SRD5A2: variants seen among roughly 807,000 people sequenced by gnomAD.
SRD5A2 encodes the protein 3-oxo-5-alpha-steroid 4-dehydrogenase 2.
A neutral mutation model predicts 27.4 loss-of-function variants in SRD5A2; 30 were observed. The observed-to-expected ratio is 1.10, with a 90% CI of 0.82 to 1.49. SRD5A2 has a LOEUF of 1.49. SRD5A2 is among the 40% of genes most tolerant of loss of function. SRD5A2 has a pLI of 0.00. For synonymous variants in SRD5A2, 141 were observed against 133.6 expected, an observed-to-expected ratio of 1.06 and a Z score of -0.38; for missense variants, 348 against 323.4, an observed-to-expected ratio of 1.08 and a Z score of -0.58.
chr2:31,553,398 G>A (rs995927701), intron 1 of SRD5A2, among the ~76,000 whole-genome samples: 2 of 152,112 alleles, frequency 1.3e-5, no homozygotes, highest in African/African-American at 4.8e-5. Context: ...AATTCCAGAA[G>A]GGAAATGAAC....
chr2:31,559,263 T>C (rs187927440), intron 1 of SRD5A2, among the ~76,000 whole-genome samples: 26 of 152,362 alleles, frequency 1.7e-4, no homozygotes, highest in African/African-American at 5.0e-4. Context: ...CAAGTTTTCC[T>C]TTCCAGATTT....
intron 1 of SRD5A2, among the ~76,000 whole-genome samples, chr2:31,575,065 GA>G (rs1473054786): frequency 1.3e-5 from 2 of 152,032 alleles, no homozygotes; most frequent in Non-Finnish European, 2.9e-5. Context: ...TATGATTCAG[GA>G]ACATCCTTAA....
chr2:31,647,901 TTA>T, the SRD5A2 span, among the ~76,000 whole-genome samples: 1 of 152,266 alleles, frequency 6.6e-6, no homozygotes, highest in African/African-American at 2.4e-5. Flanking sequence ...TCTAATTTTT[TTA>T]TGAGTATGAA....
At chr2:31,645,343 A>G in the SRD5A2 span, among the ~76,000 whole-genome samples, 49 of 152,206 alleles carry the variant, frequency 3.2e-4, 1 homozygote, top group Non-Finnish European at 1.0e-4. Context: ...GAGGGGATGG[A>G]TAACCCATTC....
chr2:31,587,182 A>T, the SRD5A2 span, among the ~76,000 whole-genome samples: 1 of 152,236 alleles, frequency 6.6e-6, no homozygotes, highest in Non-Finnish European at 1.5e-5. Context: ...GCAAATCAAA[A>T]CCACAATAAG....
At chr2:31,642,060 A>G in the SRD5A2 span, among the ~76,000 whole-genome samples, 5 of 152,152 alleles carry the variant, frequency 3.3e-5, no homozygotes, top group South Asian at 2.1e-4. Flanking sequence ...GAAACATAGA[A>G]TATTGTAACA....
chr2:31,546,103 C>T (rs1666247623), intron 1 of SRD5A2, among the ~76,000 whole-genome samples: 1 of 151,424 alleles, frequency 6.6e-6, no homozygotes, highest in African/African-American at 2.4e-5. Flanking sequence ...GACTGGAAGA[C>T]AATATTTTTC....
chr2:31,584,904 G>A (rs945122405), upstream of SRD5A2, among the ~76,000 whole-genome samples: 1 of 152,204 alleles, frequency 6.6e-6, no homozygotes, highest in Non-Finnish European at 1.5e-5. Context: ...CACTGAAAAG[G>A]TTGCAGAAGG....
At position 31,524,869 on chromosome 2, in the gene SRD5A2, T is replaced by C. The variant is rs1665738347; in HGVS notation, c.*1327A>G. Reference sequence around the variant, plus strand: ...AGAGTCCATATCTCAGCACTCATGCTGGGGTGACCCCTTCACAAGAGTTTG... The same window carrying C: ...AGAGTCCATATCTCAGCACTCATGCCGGGGTGACCCCTTCACAAGAGTTTG... On this transcript the variant is annotated 3_prime_UTR_variant, in exon 5 of 5. Transcript: ENST00000622030. The C allele has an allele frequency of 4.4e-6, 1 of 227,026 alleles. No homozygotes were observed. The allele number at this position is 227,026 out of a possible 1,614,324, so 14.1% of individuals were successfully genotyped here. A position where few individuals can be genotyped will look rare whatever the true frequency, so the allele number is the denominator to read the frequency against.
At chr2:31,574,159 G>C (rs1290019565) in intron 1 of SRD5A2, among the ~76,000 whole-genome samples, 2 of 152,200 alleles carry the variant, frequency 1.3e-5, no homozygotes, top group African/African-American at 4.8e-5. Flanking sequence ...GATATTGTCA[G>C]ACTGACGTTG....
chr2:31,611,645 G>T, the SRD5A2 span, among the ~76,000 whole-genome samples: 11 of 152,100 alleles, frequency 7.2e-5, no homozygotes, highest in African/African-American at 2.7e-4. Context: ...ACACCTACTA[G>T]CAGGATTAAA....
intron 1 of SRD5A2, among the ~76,000 whole-genome samples, chr2:31,542,399 C>A (rs548543418): frequency 1.1e-4 from 17 of 152,212 alleles, no homozygotes; most frequent in African/African-American, 3.9e-4. Context: ...GTAGTCCTAG[C>A]TACTCAAGAG....
chr2:31,584,968 G>A (rs1430192100), upstream of SRD5A2, among the ~76,000 whole-genome samples: 3 of 152,230 alleles, frequency 2.0e-5, no homozygotes, highest in Non-Finnish European at 4.4e-5. Flanking sequence ...CTGTGGTGTG[G>A]TGCAAAGAGC....
At chr2:31,620,984 A>G in the SRD5A2 span, among the ~76,000 whole-genome samples, 2 of 147,640 alleles carry the variant, frequency 1.4e-5, no homozygotes, top group Non-Finnish European at 3.0e-5. Context: ...TTAAATATAT[A>G]ATATAAATAA....
At chr2:31,645,917 T>G in the SRD5A2 span, among the ~76,000 whole-genome samples, 1 of 152,238 alleles carries the variant, frequency 6.6e-6, no homozygotes, top group East Asian at 1.9e-4. Flanking sequence ...GTGCCCTTCT[T>G]TACCATGGGG....
chr2:31,623,938 T>A, the SRD5A2 span, among the ~76,000 whole-genome samples: 2 of 152,258 alleles, frequency 1.3e-5, no homozygotes, highest in Non-Finnish European at 1.5e-5. Context: ...CAACCTTACA[T>A]CCCAGGGATG....
At chr2:31,545,789 A>G (rs890504530) in intron 1 of SRD5A2, among the ~76,000 whole-genome samples, 1 of 152,220 alleles carries the variant, frequency 6.6e-6, no homozygotes, top group Admixed American at 6.5e-5. Context: ...CTTACAGATG[A>G]TATGATCATG....
At chr2:31,584,470 C>G (rs552474867), upstream of SRD5A2, among the ~76,000 whole-genome samples, 66 of 152,246 alleles carry the variant, frequency 4.3e-4, 2 homozygotes, top group Admixed American at 4.3e-3. Flanking sequence ...TAGAGTTGAG[C>G]CAAACTTCAA....
At chr2:31,531,499 A>AT in intron 2 of SRD5A2, 27 bp from the exon 3 acceptor site, 9 of 1,498,560 alleles carry the variant, frequency 6.0e-6, no homozygotes, top group East Asian at 2.4e-5. Flanking sequence ...GAAAGGAGAA[A>AT]TTTTTTTTAA....
Sources: gnomAD v4.1 joint callset for allele counts (sites outside exome capture counted in the v4.1 genomes callset) on GRCh38, gnomAD v4.1.1 for gene constraint, MANE v1.5 for transcripts, NCBI Gene and HGNC (gene_info 2026-07-23, HGNC 2026-07-21) for gene names.